CRPPA: variants seen among roughly 807,000 people sequenced by gnomAD.
The protein encoded by CRPPA is CDP-L-ribitol pyrophosphorylase A.
CRPPA carries 43 observed loss-of-function variants against 52.0 expected under a neutral mutation model. The observed-to-expected ratio is 0.83, with a 90% CI of 0.65 to 1.07. The LOEUF (loss-of-function observed/expected upper bound fraction) is 1.07. CRPPA is among the 50% of genes least tolerant of loss of function. The pLI, the probability that CRPPA is intolerant of heterozygous loss-of-function variation, is 0.00. For synonymous variants in CRPPA, 250 were observed against 203.5 expected (o/e 1.23, Z -1.94); for missense variants, 629 against 551.7 (o/e 1.14, Z -1.40).
At chr7:16,333,783 T>A (rs1785614136) in intron 3 of CRPPA, among the ~76,000 whole-genome samples, 1 of 152,130 alleles carries the variant, frequency 6.6e-6, no homozygotes, top group African/African-American at 2.4e-5. Context: ...CTAGCAATTA[T>A]CTGCAGACAA....
At chr7:16,289,429 C>T (rs771181044) in intron 5 of CRPPA, among the ~76,000 whole-genome samples, 12 of 151,818 alleles carry the variant, frequency 7.9e-5, no homozygotes, top group East Asian at 3.9e-4. Context: ...ACAAAACCCC[C>T]GAAGAAAACA....
At chr7:16,281,526 C>T (rs1272889812) in intron 5 of CRPPA, among the ~76,000 whole-genome samples, 1 of 152,056 alleles carries the variant, frequency 6.6e-6, no homozygotes, top group Non-Finnish European at 1.5e-5. Context: ...TAAATATTGG[C>T]TCTATGCTCA....
intron 9 of CRPPA, among the ~76,000 whole-genome samples, chr7:16,147,623 T>C (rs1782999815): frequency 6.6e-6 from 1 of 152,132 alleles, no homozygotes; most frequent in African/African-American, 2.4e-5. Context: ...GAAAAGGATG[T>C]TTTGCTACTT....
At chr7:16,149,396 G>A (rs959558088) in intron 9 of CRPPA, among the ~76,000 whole-genome samples, 1 of 152,134 alleles carries the variant, frequency 6.6e-6, no homozygotes, top group Admixed American at 6.5e-5. Flanking sequence ...ATTACAGAAT[G>A]CACTATCTAG....
intron 5 of CRPPA, among the ~76,000 whole-genome samples, chr7:16,286,048 T>TTTAAAAAAAAAAAAAAA (rs1784430795): frequency 3.3e-4 from 2 of 5,980 alleles, no homozygotes; most frequent in Admixed American, 2.7e-3. Flanking sequence ...AATATAAATA[T>TTTAAAAAAAAAAAAAAA]ATATATATAT....
At chr7:16,184,804 T>A (rs1036094408) in intron 9 of CRPPA, among the ~76,000 whole-genome samples, 1 of 152,212 alleles carries the variant, frequency 6.6e-6, no homozygotes, top group Non-Finnish European at 1.5e-5. Context: ...AGTTTTGGTA[T>A]AATTTTGTTT....
chr7:16,382,623 G>A (rs997308074), intron 2 of CRPPA, among the ~76,000 whole-genome samples: 1 of 151,968 alleles, frequency 6.6e-6, no homozygotes, highest in Non-Finnish European at 1.5e-5. Flanking sequence ...TCACTTTCAG[G>A]TACACCAATC....
At chr7:16,127,614 T>A (rs1380797426) in intron 9 of CRPPA, among the ~76,000 whole-genome samples, 2 of 151,850 alleles carry the variant, frequency 1.3e-5, no homozygotes, top group Non-Finnish European at 2.9e-5. Flanking sequence ...TTATAAAATA[T>A]AAAAAATCAT....
rs541266464 is a variant in CRPPA at position 16,188,453 on chromosome 7, G to C, written c.1251+27613C>G. On this transcript the variant is annotated intron_variant, in intron 9 of 9. Transcript: ENST00000407010. ...AAACAGGTGCAAAACTATTTGGAGAGTATTTTTAAACAATGCATCACATAG... is the reference window on the plus strand; with the variant it reads ...AAACAGGTGCAAAACTATTTGGAGACTATTTTTAAACAATGCATCACATAG... Among the ~76,000 whole-genome samples, 9 of 152,218 alleles carry C rather than the reference G, an allele frequency of 5.9e-5. No homozygotes were observed. The South Asian group carries it at 1.2e-3, about 21-fold the overall frequency.
chr7:16,307,742 A>C (rs1410857962), intron 4 of CRPPA, among the ~76,000 whole-genome samples: 1 of 151,580 alleles, frequency 6.6e-6, no homozygotes, highest in South Asian at 2.1e-4. Flanking sequence ...CTGCCACAGG[A>C]AACAGTCTAA....
At chr7:16,092,685 T>C (rs1206560064) in intron 9 of CRPPA, among the ~76,000 whole-genome samples, 1 of 152,192 alleles carries the variant, frequency 6.6e-6, no homozygotes, top group East Asian at 1.9e-4. Flanking sequence ...CACAGGGAAG[T>C]CAAAATACTT....
chr7:16,398,489 C>G (rs1226924175), intron 2 of CRPPA, among the ~76,000 whole-genome samples: 2 of 151,842 alleles, frequency 1.3e-5, no homozygotes, highest in African/African-American at 2.4e-5. Flanking sequence ...GGCACATGAC[C>G]TATATCATTG....
chr7:16,297,645 A>G (rs1026463281), intron 5 of CRPPA, among the ~76,000 whole-genome samples: 2 of 152,262 alleles, frequency 1.3e-5, no homozygotes, highest in Admixed American at 1.3e-4. Context: ...TCTTAAAACC[A>G]TAATAAACAA....
chr7:16,099,604 G>C (rs1169930578), intron 9 of CRPPA, among the ~76,000 whole-genome samples: 2 of 152,138 alleles, frequency 1.3e-5, no homozygotes, highest in Admixed American at 6.5e-5. Flanking sequence ...AGCAGGAACA[G>C]AGAGTAGGAA....
intron 9 of CRPPA, among the ~76,000 whole-genome samples, chr7:16,209,900 G>A (rs1016880740): frequency 9.2e-5 from 14 of 152,144 alleles, no homozygotes; most frequent in African/African-American, 2.4e-4. Context: ...AGAACTTAAA[G>A]CTATGGCTGA....
chr7:16,380,508 A>T (rs1335809142), intron 2 of CRPPA, among the ~76,000 whole-genome samples: 2 of 152,166 alleles, frequency 1.3e-5, no homozygotes, highest in Admixed American at 1.3e-4. Context: ...GCCTCATAAA[A>T]TGAGTTAGGG....
intron 3 of CRPPA, among the ~76,000 whole-genome samples, chr7:16,346,418 T>C (rs1478532181): frequency 6.6e-6 from 1 of 152,102 alleles, no homozygotes; most frequent in Non-Finnish European, 1.5e-5. Context: ...GCTGTGTCAG[T>C]TGAGAAAAAG....
chr7:16,128,385 C>T (rs1782620176), intron 9 of CRPPA, among the ~76,000 whole-genome samples: 1 of 151,958 alleles, frequency 6.6e-6, no homozygotes, highest in Admixed American at 6.6e-5. Context: ...ATCAAAAGTC[C>T]TATTTTTTCT....
chr7:16,254,588 T>C (rs1438617063), intron 8 of CRPPA, among the ~76,000 whole-genome samples: 1 of 151,338 alleles, frequency 6.6e-6, no homozygotes, highest in Non-Finnish European at 1.5e-5. Flanking sequence ...GGGCCTGTAG[T>C]GGGGTGAGGG....
Sources: gnomAD v4.1 joint callset for allele counts (sites outside exome capture counted in the v4.1 genomes callset) on GRCh38, gnomAD v4.1.1 for gene constraint, MANE v1.5 for transcripts, NCBI Gene and HGNC (gene_info 2026-07-23, HGNC 2026-07-21) for gene names.